The following DPYSL2 variants were observed in gnomAD, a reference collection of about 807,000 sequenced individuals.
DPYSL2 encodes dihydropyrimidinase like 2, also known as dihydropyrimidinase-related protein 2.
DPYSL2 carries 13 observed loss-of-function variants against 69.9 expected under a neutral mutation model. That is an observed-to-expected ratio of 0.19 (90% CI 0.12 to 0.30). The LOEUF (loss-of-function observed/expected upper bound fraction) is 0.30. DPYSL2 is among the 10% of genes least tolerant of loss of function. The pLI, the probability that DPYSL2 is intolerant of heterozygous loss-of-function variation, is 1.00. For missense variants in DPYSL2, 587 were observed against 918.9 expected, an observed-to-expected ratio of 0.64 and a Z score of 4.67; for synonymous variants, 326 against 359.1, an observed-to-expected ratio of 0.91 and a Z score of 1.04.
In DPYSL2 at chr8:26,565,864, C is replaced by T. The variant is rs1801139633; in HGVS notation, c.355-16105C>T. 6.6e-6 allele frequency among the ~76,000 whole-genome samples: 1 copy of T among 152,210 alleles called. No homozygotes were observed. The highest frequency in any genetic ancestry group is 6.5e-5 in the Admixed American group (1 of 15,290). On this transcript the variant is annotated intron_variant, in intron 1 of 13. Transcript: ENST00000521913. The surrounding 1 kb of genome is among the most constrained non-coding windows in gnomAD (Gnocchi z 4.1). ...CTCCCAAGGTTGTCTGGGCAATCATCATCCCGTCAGCTTGGAGAAAAAGCC... is the reference window on the plus strand; with the variant it reads ...CTCCCAAGGTTGTCTGGGCAATCATTATCCCGTCAGCTTGGAGAAAAAGCC...
chr8:26,519,419 G>T (rs1040289258), intron 1 of DPYSL2, among the ~76,000 whole-genome samples: 4 of 152,170 alleles, frequency 2.6e-5, no homozygotes, highest in Non-Finnish European at 4.4e-5. Context: ...CTTGTTTTCA[G>T]TCCCACTGCA....
At chr8:26,545,776 A>AT (rs1563380998) in intron 1 of DPYSL2, among the ~76,000 whole-genome samples, 2 of 151,976 alleles carry the variant, frequency 1.3e-5, no homozygotes, top group Non-Finnish European at 2.9e-5. Context: ...CAAAAAAAAA[A>AT]AATAATCTCA....
Position 26,647,584 on chromosome 8 carries a change from G to T in DPYSL2, c.1426-46G>T. The T allele has an allele frequency of 1.9e-6, 3 of 1,546,254 alleles. No homozygotes were observed. The highest frequency in any genetic ancestry group is 2.6e-6 in the Non-Finnish European group (3 of 1,146,286). ...TTATTGAAAAGTAACTTTTTAACTC[G>T]TTTCTGCTGTGTGCCTCCTGTGCAC... On this transcript the variant is annotated intron_variant, in intron 10 of 13. Transcript: ENST00000521913. The surrounding 1 kb of genome is among the most constrained non-coding windows in gnomAD (Gnocchi z 5.1).
chr8:26,515,145 G>T (rs1808257002), intron 1 of DPYSL2, among the ~76,000 whole-genome samples: 1 of 152,146 alleles, frequency 6.6e-6, no homozygotes, highest in Admixed American at 6.5e-5. Context: ...TCGGACGGCC[G>T]CTCCCTACAG....
chr8:26,529,276 C>CTATCATCTATCTATCT (rs1554531948), intron 1 of DPYSL2, among the ~76,000 whole-genome samples: 39 of 136,378 alleles, frequency 2.9e-4, no homozygotes, highest in African/African-American at 1.1e-3. Context: ...ATCTATCTAT[C>CTATCATCTATCTATCT]ATCTATCTAT....
chr8:26,655,980 C>G lies in DPYSL2; in HGVS notation c.*274C>G. The G allele has an allele frequency of 3.0e-6, 1 of 332,140 alleles. No homozygotes were observed. The highest frequency in any genetic ancestry group is 5.4e-6 in the Non-Finnish European group (1 of 183,758). 20.6% of individuals were successfully genotyped at this position (332,140 alleles called of 1,614,324 possible). On this transcript the variant is annotated 3_prime_UTR_variant, in exon 14 of 14. Coordinates refer to ENST00000521913, the MANE Select transcript of DPYSL2 (RefSeq NM_001197293.3). ...CTCATACAGGGAACCACACCCAACA[C>G]TTAGACATGCGAACAAGCAGCCCCC...
intron 8 of DPYSL2, among the ~76,000 whole-genome samples, chr8:26,639,642 T>C (rs1384539166): frequency 2.6e-5 from 4 of 152,218 alleles, no homozygotes; most frequent in Non-Finnish European, 4.4e-5. Flanking sequence ...CCACTTTGTC[T>C]AGTACAATTA....
chr8:26,578,463 G>A, intron 1 of DPYSL2: 2 of 1,470,148 alleles, frequency 1.4e-6, no homozygotes, highest in Non-Finnish European at 1.8e-6. Flanking sequence ...GAGATGCAGT[G>A]ATCCAGGATT....
chr8:26,546,601 T>C (rs2117630194), intron 1 of DPYSL2, among the ~76,000 whole-genome samples: 1 of 152,270 alleles, frequency 6.6e-6, no homozygotes, highest in Middle Eastern at 3.4e-3. Context: ...TCTGAGATGC[T>C]AGACTTTTAT....
In DPYSL2 at chr8:26,644,538, C is replaced by T. The variant is rs917195603; in HGVS notation, c.1425+447C>T. On this transcript the variant is annotated intron_variant, in intron 10 of 13. Transcript: ENST00000521913. This position sits in a 1 kb window ranked among gnomAD's most constrained non-coding sequence, Gnocchi z 4.5. ...GTTGCCCAGGCTGGTCTCGAGTTCC[C>T]GGGTTTAAGCAATGCCTCGGCCTCC... Among the ~76,000 whole-genome samples the T allele has an allele frequency of 6.6e-5, 10 of 151,770 alleles. No individual in the cohort carries two copies. The highest frequency in any genetic ancestry group is 1.3e-4 in the Non-Finnish European group (9 of 67,956).
At chr8:26,547,439 T>C (rs1306992055) in intron 1 of DPYSL2, among the ~76,000 whole-genome samples, 2 of 152,030 alleles carry the variant, frequency 1.3e-5, no homozygotes, top group Admixed American at 1.3e-4. Flanking sequence ...CAGTACATTG[T>C]ATCCACCCTT....
rs115260782 is a variant in DPYSL2, at chr8:26,626,122, T to C, written c.794-495T>C. Among the ~76,000 whole-genome samples the C allele has an allele frequency of 6.6e-6, 1 of 152,200 alleles. No individual in the cohort carries two copies. Among genetic ancestry groups the C allele is most frequent in the African/African-American group, 2.4e-5 (1 of 41,440 alleles). On this transcript the variant is annotated intron_variant, in intron 4 of 13. Transcript: ENST00000521913. This position sits in a 1 kb window ranked among gnomAD's most constrained non-coding sequence, Gnocchi z 4.3. ...TGCAACTGGCTTATTTCATTTACCA[T>C]GATGTCCTTAAGGTTTCTCCATGTT...
chr8:26,591,520 G>A lies in DPYSL2; in HGVS notation c.628+7537G>A, dbSNP rs1042385348. On this transcript the variant is annotated intron_variant, in intron 3 of 13. Coordinates refer to ENST00000521913, the MANE Select transcript of DPYSL2 (RefSeq NM_001197293.3). The surrounding 1 kb of genome is among the most constrained non-coding windows in gnomAD (Gnocchi z 5.8). ...TAAGGCCCCTGCATGCCTGGAGCTG[G>A]CTGTGGGGGCAGCCAGAGAAGCTGC... Among the ~76,000 whole-genome samples the A allele has an allele frequency of 6.6e-6, 1 of 152,232 alleles. No individual in the cohort carries two copies. The highest frequency in any genetic ancestry group is 2.4e-5 in the African/African-American group (1 of 41,464).
rs962099454 is a variant in DPYSL2 at position 26,592,909 on chromosome 8, C to T, written c.628+8926C>T. Among the ~76,000 whole-genome samples, 5 of 152,128 alleles carry T rather than the reference C, an allele frequency of 3.3e-5. No individual in the cohort carries two copies. The South Asian group carries it at 1.0e-3, about 32-fold the overall frequency. ...TCTCCCTTTTTTTTTCCTCTTCCTC[C>T]CCAAGCTGACCTTTCTCTCTTCTTA... On this transcript the variant is annotated intron_variant, in intron 3 of 13. Transcript: ENST00000521913.
intron 4 of DPYSL2, among the ~76,000 whole-genome samples, chr8:26,625,269 G>A (rs543596266): frequency 1.3e-5 from 2 of 152,290 alleles, no homozygotes; most frequent in African/African-American, 4.8e-5. Flanking sequence ...TGTCCTCTAA[G>A]ATTCTTTCCA....
chr8:26,629,900 G>T (rs978391136), intron 7 of DPYSL2, among the ~76,000 whole-genome samples: 1 of 152,148 alleles, frequency 6.6e-6, no homozygotes, highest in African/African-American at 2.4e-5. Flanking sequence ...CCCGGCCGAG[G>T]CTGATTTTAT....
intron 3 of DPYSL2, among the ~76,000 whole-genome samples, chr8:26,600,300 G>T (rs1050883993): frequency 3.9e-5 from 6 of 152,062 alleles, no homozygotes; most frequent in East Asian, 3.9e-4. Flanking sequence ...GGGTCATGTG[G>T]TCATTCTATG....
chr8:26,576,257 G>A (rs146223754), intron 1 of DPYSL2, among the ~76,000 whole-genome samples: 345 of 152,284 alleles, frequency 2.3e-3, no homozygotes, highest in Non-Finnish European at 4.0e-3. Flanking sequence ...AGTGGCTAAG[G>A]TGGTGAAGGG....
intron 8 of DPYSL2, among the ~76,000 whole-genome samples, chr8:26,636,386 A>AG (rs1464185962): frequency 6.6e-6 from 1 of 152,226 alleles, no homozygotes; most frequent in Non-Finnish European, 1.5e-5. Context: ...AGTGTCTGAA[A>AG]GGGGGAAAGA....
Sources: gnomAD v4.1 joint callset for allele counts (sites outside exome capture counted in the v4.1 genomes callset) on GRCh38, gnomAD v4.1.1 for gene constraint, Gnocchi (gnomAD v3.1) non-coding constraint, MANE v1.5 for transcripts, NCBI Gene and HGNC (gene_info 2026-07-23, HGNC 2026-07-21) for gene names.